HINT1: variants seen among roughly 807,000 people sequenced by gnomAD.
HINT1 encodes histidine triad nucleotide binding protein 1, also known as adenosine 5'-monophosphoramidase HINT1.
Under a neutral mutation model 11.2 loss-of-function variants are expected in HINT1, and 12 were observed. That is an observed-to-expected ratio of 1.07 (90% CI 0.69 to 1.74). The LOEUF (loss-of-function observed/expected upper bound fraction) is 1.74. Ranked by LOEUF, HINT1 falls within the 40% of genes most tolerant of loss-of-function variation. HINT1 has a pLI of 0.00. For missense variants in HINT1, 150 were observed against 161.8 expected (o/e 0.93, Z 0.40); for synonymous variants, 42 against 52.6 (o/e 0.80, Z 0.87).
At chr5:131,164,388 G>A (rs1040137024) in intron 1 of HINT1, among the ~76,000 whole-genome samples, 1 of 152,224 alleles carries the variant, frequency 6.6e-6, no homozygotes, top group Admixed American at 6.5e-5. Flanking sequence ...TCAGCTGTTT[G>A]TAAGTCCAAA....
chr5:131,165,183 G>A lies in HINT1; in HGVS notation c.23C>T (p.Ala8Val). Residue 8 changes from alanine to valine, a missense_variant, in exon 1 of 3, where the codon GCT becomes GTT. By Grantham distance (64) the Ala-to-Val change is moderately conservative. Transcript: ENST00000304043. Reference protein sequence around the residue: MADEIAKAQVARPGGDTI... With the variant: MADEIAKVQVARPGGDTI... ...GTCGCCACCAGGCCGAGCGACCTGAGCCTTGGCAATCTCATCTGCCATCTC... is the reference window on the plus strand; with the variant it reads ...GTCGCCACCAGGCCGAGCGACCTGAACCTTGGCAATCTCATCTGCCATCTC... 6.2e-7 allele frequency: 1 copy of A among 1,609,498 alleles called. No homozygotes were observed. The highest frequency in any genetic ancestry group is 2.2e-5 in the East Asian group (1 of 44,864).
intron 2 of HINT1, chr5:131,162,334 A>AAT: frequency 2.7e-6 from 2 of 748,862 alleles, no homozygotes; most frequent in Non-Finnish European, 4.4e-6. Flanking sequence ...AAAAAAAAAA[A>AAT]GGTAATAGCA....
At chr5:131,164,071 G>A (rs1218191986) in intron 1 of HINT1, among the ~76,000 whole-genome samples, 2 of 151,876 alleles carry the variant, frequency 1.3e-5, no homozygotes, top group Non-Finnish European at 2.9e-5. Flanking sequence ...AATTTACCTA[G>A]AGGAACCTAA....
intron 1 of HINT1, among the ~76,000 whole-genome samples, chr5:131,164,616 C>T (rs1561538060): frequency 6.6e-6 from 1 of 152,202 alleles, no homozygotes; most frequent in South Asian, 2.1e-4. Flanking sequence ...CAATGCCTTG[C>T]TGAGCAGCGC....
At chr5:131,161,204 G>A (rs971800147) in intron 2 of HINT1, among the ~76,000 whole-genome samples, 10 of 152,160 alleles carry the variant, frequency 6.6e-5, no homozygotes, top group Non-Finnish European at 1.3e-4. Flanking sequence ...AATGTTAACT[G>A]AGTAAAAATT....
At chr5:131,162,508 A>T (rs1580684527) in intron 2 of HINT1, 64 bp downstream of exon 2, 1 of 1,604,710 alleles carries the variant, frequency 6.2e-7, no homozygotes, top group Non-Finnish European at 8.5e-7. Context: ...ACAGCACTTT[A>T]AGGACAAAAT....
In HINT1 at chr5:131,165,087, G is replaced by A; in HGVS notation, c.111+8C>T. The stretch of plus-strand genomic sequence containing the variant: ...CAGCAGGCGAGAGAGGTGGTGCCCA[G>A]TACCTACCCGGTCATCCTCAAAAAT... On this transcript the variant is annotated splice_region_variant and intron_variant, in intron 1 of 2. Transcript: ENST00000304043. 2 of 1,613,668 alleles carry A rather than the reference G, an allele frequency of 1.2e-6. No individual in the cohort carries two copies. The highest frequency in any genetic ancestry group is 1.7e-6 in the Non-Finnish European group (2 of 1,179,850).
chr5:131,165,065 C>G, intron 1 of HINT1, 30 bp downstream of exon 1: 1 of 1,613,214 alleles, frequency 6.2e-7, no homozygotes, highest in Non-Finnish European at 8.5e-7. Context: ...CCCACCTCAG[C>G]AGGCGAGAGA....
chr5:131,159,685 C>G, intron 2 of HINT1, 74 bp from the exon 3 acceptor site: 3 of 1,375,238 alleles, frequency 2.2e-6, no homozygotes, highest in Non-Finnish European at 3.0e-6. Flanking sequence ...AACTGTCAAG[C>G]TGAAATATCA....
At chr5:131,162,486 G>C (rs1214524176) in intron 2 of HINT1, 86 bp downstream of exon 2, 8 of 1,583,442 alleles carry the variant, frequency 5.1e-6, no homozygotes, top group Admixed American at 3.5e-5. Flanking sequence ...ACCTTAGGAA[G>C]ATGAAAATGT....
intron 2 of HINT1, 126 bp from the exon 3 acceptor site, chr5:131,159,737 A>G: frequency 1.2e-6 from 1 of 813,518 alleles, no homozygotes; most frequent in Non-Finnish European, 1.9e-6. Flanking sequence ...TTGAGCAAAT[A>G]TTTGGAAACT....
At chr5:131,164,189 A>G (rs996042668) in intron 1 of HINT1, among the ~76,000 whole-genome samples, 3 of 152,178 alleles carry the variant, frequency 2.0e-5, no homozygotes, top group South Asian at 2.1e-4. Context: ...AATTTGTTCT[A>G]TCTAAATCAG....
chr5:131,160,989 A>AT (rs1755234371), intron 2 of HINT1: 5 of 328,064 alleles, frequency 1.5e-5, no homozygotes, highest in South Asian at 1.2e-4. Flanking sequence ...CAGACATACA[A>AT]TATTTTCAAC....
Position 131,159,398 on chromosome 5 carries a change from C to T in HINT1, c.*49G>A. 1.3e-6 allele frequency: 2 copies of T among 1,555,898 alleles called. No individual in the cohort carries two copies. Among genetic ancestry groups the T allele is most frequent in the Non-Finnish European group, 1.8e-6 (2 of 1,138,536 alleles). ...GTGTTACTTAACATACTGGAAATTG[C>T]CTAACTTAATCATTGCCTAAAGAAG... is the stretch of plus-strand genomic sequence containing the variant. On this transcript the variant is annotated 3_prime_UTR_variant, in exon 3 of 3. Transcript: ENST00000304043.
chr5:131,165,076 G>T lies in HINT1; in HGVS notation c.111+19C>A. On this transcript the variant is annotated intron_variant, in intron 1 of 2. Transcript: ENST00000304043. ...GATACCCACCTCAGCAGGCGAGAGAGGTGGTGCCCAGTACCTACCCGGTCA... is the reference window on the plus strand; with the variant it reads ...GATACCCACCTCAGCAGGCGAGAGATGTGGTGCCCAGTACCTACCCGGTCA... The T allele has an allele frequency of 6.2e-7, 1 of 1,613,542 alleles. No individual in the cohort carries two copies. Among genetic ancestry groups the T allele is most frequent in the Non-Finnish European group, 8.5e-7 (1 of 1,179,792 alleles).
rs1755372256 is a variant in HINT1 at position 131,165,252 on chromosome 5, G to A, written c.-47C>T. On this transcript the variant is annotated 5_prime_UTR_variant, in exon 1 of 3. Transcript: ENST00000304043. ...CGGCCAGAGGAGAGGCTCGGAAGAA[G>A]GGAGGAACCCGCAGAGCGTGCGGCG... 4.4e-6 allele frequency: 7 copies of A among 1,588,186 alleles called. No homozygotes were observed. In the East Asian group the frequency reaches 6.7e-5, roughly 15 times the overall value.
At chr5:131,160,591 GGA>G (rs927618614) in intron 2 of HINT1, 20 of 443,248 alleles carry the variant, frequency 4.5e-5, no homozygotes, top group Middle Eastern at 1.2e-3. Context: ...AAGAGGGAAG[GGA>G]GAGAGTCTTA....
intron 1 of HINT1, among the ~76,000 whole-genome samples, chr5:131,163,831 T>C (rs1404229288): frequency 6.6e-6 from 1 of 152,342 alleles, no homozygotes; most frequent in East Asian, 1.9e-4. Flanking sequence ...AAAGCTGTTT[T>C]AATAAAACCC....
At chr5:131,161,679 C>T (rs1755253412) in intron 2 of HINT1, among the ~76,000 whole-genome samples, 1 of 151,952 alleles carries the variant, frequency 6.6e-6, no homozygotes, top group Non-Finnish European at 1.5e-5. Flanking sequence ...TAAGTACTCG[C>T]TCTAATCTTT....
Sources: gnomAD v4.1 joint callset for allele counts (sites outside exome capture counted in the v4.1 genomes callset) on GRCh38, gnomAD v4.1.1 for gene constraint, MANE v1.5 for transcripts, NCBI Gene and HGNC (gene_info 2026-07-23, HGNC 2026-07-21) for gene names.